Variants in CHIC1 observed in about 807,000 individuals in gnomAD.
CHIC1 encodes the protein cysteine-rich hydrophobic domain-containing protein 1.
In CHIC1, 7 loss-of-function variants were observed where a neutral mutation model predicts 18.5. That is an observed-to-expected ratio of 0.38 (90% CI 0.22 to 0.71). CHIC1 has a LOEUF of 0.71. CHIC1 is among the 30% of genes least tolerant of loss of function. The pLI, the probability that CHIC1 is intolerant of heterozygous loss-of-function variation, is 0.49. For missense variants in CHIC1, 159 were observed against 176.9 expected (o/e 0.90, Z 0.57); for synonymous variants, 77 against 73.5 (o/e 1.05, Z -0.25).
intron 3 of CHIC1, among the ~76,000 whole-genome samples, chrX:73,638,650 C>T (rs1021641367): frequency 9.0e-6 from 1 of 111,265 alleles, no homozygotes; most frequent in African/African-American, 3.3e-5. Flanking sequence ...GTACCTGATA[C>T]ATATTTTTTC....
intron 3 of CHIC1, among the ~76,000 whole-genome samples, chrX:73,664,022 G>T (rs1209964499): frequency 9.0e-6 from 1 of 111,205 alleles, no homozygotes; most frequent in Non-Finnish European, 1.9e-5. Flanking sequence ...CCTTCTTTTA[G>T]CCCTGATTCT....
intron 1 of CHIC1, among the ~76,000 whole-genome samples, chrX:73,574,140 A>G (rs1256597848): frequency 1.8e-5 from 2 of 110,595 alleles, no homozygotes; most frequent in Non-Finnish European, 1.9e-5. Context: ...TCATGAAGGG[A>G]CATTGAATTT....
intron 5 of CHIC1, 24 bp downstream of exon 5, chrX:73,679,737 TA>T (rs923540043): frequency 1.2e-5 from 10 of 837,750 alleles, no homozygotes; most frequent in Middle Eastern, 3.0e-4. Context: ...TGTTTTTAAT[TA>T]TTTTTTTATT....
intron 3 of CHIC1, among the ~76,000 whole-genome samples, chrX:73,607,607 T>C (rs937933257): frequency 9.2e-6 from 1 of 109,009 alleles, no homozygotes; most frequent in Middle Eastern, 4.6e-3. Context: ...CCCAGGGCCA[T>C]GGTGGTGTCG....
intron 3 of CHIC1, among the ~76,000 whole-genome samples, chrX:73,663,938 CG>C (rs892471342): frequency 9.0e-6 from 1 of 111,605 alleles, no homozygotes; most frequent in Non-Finnish European, 1.9e-5. Context: ...TAGACTTAAT[CG>C]CCCTAGGACT....
intron 3 of CHIC1, among the ~76,000 whole-genome samples, chrX:73,586,620 C>T (rs1569500799): frequency 9.0e-6 from 1 of 111,143 alleles, no homozygotes; most frequent in Non-Finnish European, 1.9e-5. Flanking sequence ...AGTTCAAATC[C>T]CTTATTTTAC....
chrX:73,612,441 T>C (rs948360828), intron 3 of CHIC1, among the ~76,000 whole-genome samples: 13 of 111,971 alleles, frequency 1.2e-4, no homozygotes, highest in African/African-American at 3.9e-4. Flanking sequence ...GTTGTAGGCA[T>C]TTAATGCTAT....
intron 1 of CHIC1, among the ~76,000 whole-genome samples, chrX:73,574,042 C>T (rs953581529): frequency 3.6e-5 from 4 of 110,182 alleles, no homozygotes; most frequent in Non-Finnish European, 7.6e-5. Context: ...TTTGCTTCTT[C>T]GGTATAATGG....
At position 73,687,102 on chromosome X, in the gene CHIC1, A is replaced by G. The variant is rs755411809; in HGVS notation, c.*6097A>G. On this transcript the variant is annotated 3_prime_UTR_variant, in exon 6 of 6. Transcript: ENST00000373502. ...TAAAATAAAGTGTAAATCTATGTTA[A>G]TGAATTGAATTCTGTGTTTTTTTTA... The G allele has an allele frequency of 6.3e-5, 7 of 111,933 alleles. No homozygotes were observed. The East Asian group carries it at 1.4e-3, about 23-fold the overall frequency. 9.2% of individuals were successfully genotyped at this position (111,933 alleles called of 1,213,427 possible). A position where few individuals can be genotyped will look rare whatever the true frequency, so the allele number is the denominator to read the frequency against.
chrX:73,627,723 T>C (rs2057790174), intron 3 of CHIC1, among the ~76,000 whole-genome samples: 1 of 111,241 alleles, frequency 9.0e-6, no homozygotes, highest in Non-Finnish European at 1.9e-5. Context: ...CTCTGGCCCA[T>C]GGTAGGTTGA....
At chrX:73,628,476 C>T (rs372268169) in intron 3 of CHIC1, among the ~76,000 whole-genome samples, 22 of 111,898 alleles carry the variant, frequency 2.0e-4, no homozygotes, top group South Asian at 3.7e-4. Context: ...CTGGAATCTG[C>T]GATTCCCCTC....
rs1267298009 is a variant in CHIC1, at chrX:73,686,585, A to G, written c.*5580A>G. 9.0e-6 allele frequency: 1 copy of G among 111,257 alleles called. No individual in the cohort carries two copies. Among genetic ancestry groups the G allele is most frequent in the African/African-American group, 3.3e-5 (1 of 30,663 alleles). The allele number at this position is 111,257 out of a possible 1,213,427, so 9.2% of individuals were successfully genotyped here. A position where few individuals can be genotyped will look rare whatever the true frequency, so the allele number is the denominator to read the frequency against. On this transcript the variant is annotated 3_prime_UTR_variant, in exon 6 of 6. Transcript: ENST00000373502. ...TTTTTATCTCGACTTTTTATTTTCC[A>G]TTTTTTCTAGTACGCAAATAGTGTA...
chrX:73,605,548 G>T lies in CHIC1; in HGVS notation c.507+20976G>T, dbSNP rs747468642. On this transcript the variant is annotated intron_variant, in intron 3 of 5. Coordinates refer to ENST00000373502, the MANE Select transcript of CHIC1 (RefSeq NM_001039840.4). ...GCTTCTGTCATTATCATGCTAGCTGGTTATTTTCCCTGTTAGTTGATGCAG... is the reference window on the plus strand; with the variant it reads ...GCTTCTGTCATTATCATGCTAGCTGTTTATTTTCCCTGTTAGTTGATGCAG... Among the ~76,000 whole-genome samples the T allele has an allele frequency of 7.4e-5, 8 of 108,287 alleles. No homozygotes were observed. The South Asian group carries it at 3.1e-3, about 41-fold the overall frequency. 94.0% of individuals were successfully genotyped at this position (108,287 alleles called of 115,157 possible).
At chrX:73,610,518 T>C (rs1382835531) in intron 3 of CHIC1, among the ~76,000 whole-genome samples, 1 of 107,867 alleles carries the variant, frequency 9.3e-6, no homozygotes, top group Non-Finnish European at 1.9e-5. Flanking sequence ...CGTTTGGCCA[T>C]CTTGGCCCCT....
At chrX:73,632,918 A>G (rs1468264596) in intron 3 of CHIC1, among the ~76,000 whole-genome samples, 1 of 106,605 alleles carries the variant, frequency 9.4e-6, no homozygotes, top group Non-Finnish European at 1.9e-5. Context: ...ACAGGCGCCC[A>G]CCACCACGCC....
At chrX:73,566,519 C>T (rs2057445750) in intron 1 of CHIC1, among the ~76,000 whole-genome samples, 1 of 110,748 alleles carries the variant, frequency 9.0e-6, no homozygotes, top group Admixed American at 9.7e-5. Context: ...CTCTCTCAGC[C>T]TGTACCCATA....
intron 3 of CHIC1, among the ~76,000 whole-genome samples, chrX:73,635,144 T>C (rs2057826070): frequency 8.9e-6 from 1 of 111,857 alleles, no homozygotes; most frequent in Non-Finnish European, 1.9e-5. Context: ...TAAATGATCA[T>C]GTGGTTGTTT....
chrX:73,617,586 G>A (rs1252616787), intron 3 of CHIC1, among the ~76,000 whole-genome samples: 17 of 111,873 alleles, frequency 1.5e-4, no homozygotes, highest in Admixed American at 1.5e-3. Context: ...GGCTAGGAAG[G>A]CCTCACAATC....
In CHIC1 at chrX:73,686,233, A is replaced by AC. The variant is rs1351359980; in HGVS notation, c.*5233dup. On this transcript the variant is annotated 3_prime_UTR_variant, in exon 6 of 6. Transcript: ENST00000373502. ...TTTATAAAGGAACTAAGATTATTTG[A>AC]CCCCCTCCACAGATTGCTTACCTAG... 1.1e-4 allele frequency: 12 copies of AC among 110,524 alleles called. No homozygotes were observed. Among genetic ancestry groups the AC allele is most frequent in the Non-Finnish European group, 1.9e-4 (10 of 52,613 alleles). 9.1% of individuals were successfully genotyped at this position (110,524 alleles called of 1,213,427 possible).
Sources: allele counts gnomAD v4.1 joint callset (sites outside exome capture counted in the v4.1 genomes callset), GRCh38; gene constraint gnomAD v4.1.1; transcripts MANE v1.5; gene names NCBI Gene and HGNC (gene_info 2026-07-23, HGNC 2026-07-21).